Variants in DOCK4 observed in about 807,000 individuals in gnomAD.
DOCK4 encodes the protein dedicator of cytokinesis 4.
In DOCK4, 97 loss-of-function variants were observed where a neutral mutation model predicts 268.1. The ratio of observed to expected loss-of-function variants is 0.36; its 90% CI spans 0.31 to 0.43. The LOEUF is 0.43. Among genes scored for constraint, DOCK4 ranks in the 20% least tolerant of loss-of-function variants. The pLI is 1.00. For synonymous variants in DOCK4, 954 were observed against 887.2 expected, an observed-to-expected ratio of 1.08 and a Z score of -1.34; for missense variants, 2,145 against 2,455.7, an observed-to-expected ratio of 0.87 and a Z score of 2.67.
At chr7:111,785,372 C>T (rs758426893) in intron 32 of DOCK4, among the ~76,000 whole-genome samples, 3 of 152,140 alleles carry the variant, frequency 2.0e-5, no homozygotes, top group Non-Finnish European at 4.4e-5. Flanking sequence ...GAAATTTCCC[C>T]GTGACAGCCT....
At chr7:112,156,986 T>G (rs1226601613) in intron 1 of DOCK4, among the ~76,000 whole-genome samples, 2 of 135,856 alleles carry the variant, frequency 1.5e-5, no homozygotes, top group East Asian at 4.5e-4. Flanking sequence ...AAAGTTAACA[T>G]ACGTGAAAAA....
At chr7:111,992,540 G>A (rs1799621911) in intron 5 of DOCK4, among the ~76,000 whole-genome samples, 1 of 152,094 alleles carries the variant, frequency 6.6e-6, no homozygotes, top group African/African-American at 2.4e-5. Context: ...CTCTTTCCCA[G>A]TTACTCAGAA....
chr7:112,098,210 A>G (rs1228777732), intron 1 of DOCK4, among the ~76,000 whole-genome samples: 1 of 151,822 alleles, frequency 6.6e-6, no homozygotes, highest in Admixed American at 6.6e-5. Flanking sequence ...ACAGAGTCTC[A>G]CTCTGTTGCC....
intron 1 of DOCK4, among the ~76,000 whole-genome samples, chr7:112,173,703 G>T (rs1818269272): frequency 6.6e-6 from 1 of 152,166 alleles, no homozygotes; most frequent in South Asian, 2.1e-4. Context: ...AGCTATGCCA[G>T]CTGAGGAAAA....
intron 1 of DOCK4, among the ~76,000 whole-genome samples, chr7:112,115,744 C>A (rs891381156): frequency 6.6e-6 from 1 of 152,122 alleles, no homozygotes; most frequent in Non-Finnish European, 1.5e-5. Context: ...TGCAGTGGTG[C>A]GATCATAGGT....
intron 13 of DOCK4, among the ~76,000 whole-genome samples, chr7:111,912,922 T>C (rs368818633): frequency 1.3e-5 from 2 of 152,188 alleles, no homozygotes; most frequent in African/African-American, 4.8e-5. Context: ...ATTATGACTT[T>C]CACAGAATTT....
chr7:111,798,652 G>C (rs924689004), intron 30 of DOCK4, among the ~76,000 whole-genome samples: 2 of 152,214 alleles, frequency 1.3e-5, no homozygotes, highest in Non-Finnish European at 2.9e-5. Context: ...TCTAGGGAAA[G>C]CTCTTAGCTA....
At chr7:112,087,494 GA>G (rs1362619535) in intron 1 of DOCK4, among the ~76,000 whole-genome samples, 1 of 152,026 alleles carries the variant, frequency 6.6e-6, no homozygotes, top group Non-Finnish European at 1.5e-5. Context: ...ATAGTCTTCA[GA>G]TTCAATAATG....
intron 1 of DOCK4, among the ~76,000 whole-genome samples, chr7:112,181,987 T>C (rs1409459241): frequency 6.6e-6 from 1 of 152,292 alleles, no homozygotes; most frequent in Admixed American, 6.5e-5. Flanking sequence ...CACTAATCTT[T>C]TTTACCTTTT....
chr7:112,197,247 T>C (rs2116846958), intron 1 of DOCK4, among the ~76,000 whole-genome samples: 1 of 151,644 alleles, frequency 6.6e-6, no homozygotes, highest in South Asian at 2.1e-4. Context: ...AGTGCCATAG[T>C]ATAACTTTAA....
chr7:111,841,453 G>A (rs913495473), intron 25 of DOCK4, among the ~76,000 whole-genome samples: 4 of 151,936 alleles, frequency 2.6e-5, no homozygotes, highest in South Asian at 2.1e-4. Flanking sequence ...AAGACACCGC[G>A]CCTGGCCTAT....
chr7:111,757,475 T>G (rs1797109779), intron 41 of DOCK4, among the ~76,000 whole-genome samples: 1 of 152,186 alleles, frequency 6.6e-6, no homozygotes, highest in Non-Finnish European at 1.5e-5. Context: ...TAGCTATATC[T>G]TCTTTAATTG....
chr7:111,984,485 T>C (rs961892737), intron 6 of DOCK4, 95 bp from the exon 7 acceptor site: 1 of 997,308 alleles, frequency 1.0e-6, no homozygotes, highest in African/African-American at 1.6e-5. Flanking sequence ...GGAAATTAGG[T>C]ATATCACCCA....
intron 25 of DOCK4, among the ~76,000 whole-genome samples, chr7:111,838,648 T>C (rs1010920855): frequency 6.6e-6 from 1 of 152,112 alleles, no homozygotes; most frequent in Non-Finnish European, 1.5e-5. Context: ...AATGTAAACT[T>C]ATGTACAGTA....
At chr7:112,143,120 G>A (rs986556885) in intron 1 of DOCK4, among the ~76,000 whole-genome samples, 2 of 151,590 alleles carry the variant, frequency 1.3e-5, no homozygotes, top group Non-Finnish European at 2.9e-5. Flanking sequence ...CAACTTTTCT[G>A]TAATTCTAAA....
intron 1 of DOCK4, among the ~76,000 whole-genome samples, chr7:112,106,925 T>C (rs1309522284): frequency 6.6e-6 from 1 of 152,242 alleles, no homozygotes; most frequent in Non-Finnish European, 1.5e-5. Context: ...ATGTGTTGTT[T>C]TATAAATGAC....
At chr7:112,178,895 T>C (rs1394859049) in intron 1 of DOCK4, among the ~76,000 whole-genome samples, 2 of 152,172 alleles carry the variant, frequency 1.3e-5, no homozygotes, top group South Asian at 2.1e-4. Context: ...CGTATCCTCA[T>C]AGGCTAACCA....
rs115143597 is a variant in DOCK4 at position 111,896,571 on chromosome 7, T to C, written c.1481-853A>G. Among the ~76,000 whole-genome samples, 630 of 151,838 alleles carry C rather than the reference T, an allele frequency of 4.1e-3. 9 individuals carry two copies. Among genetic ancestry groups the C allele is most frequent in the African/African-American group, 0.013 (525 of 41,380 alleles). On this transcript the variant is annotated intron_variant, in intron 15 of 52. Coordinates refer to ENST00000428084, the MANE Select transcript of DOCK4 (RefSeq NM_001363540.2). ...GTTAACTTGACTCTCCCCTTGTACTTAGATGGGCAGAGTTCTCCAGAGCCA... is the reference window on the plus strand; with the variant it reads ...GTTAACTTGACTCTCCCCTTGTACTCAGATGGGCAGAGTTCTCCAGAGCCA...
intron 50 of DOCK4, among the ~76,000 whole-genome samples, chr7:111,736,496 CT>C: frequency 6.6e-6 from 1 of 152,282 alleles, no homozygotes; most frequent in Middle Eastern, 3.4e-3. Flanking sequence ...AGAGCCGTAT[CT>C]GAGTCACAAC....
Sources: gnomAD v4.1 joint callset for allele counts (sites outside exome capture counted in the v4.1 genomes callset) on GRCh38, gnomAD v4.1.1 for gene constraint, MANE v1.5 for transcripts, NCBI Gene and HGNC (gene_info 2026-07-23, HGNC 2026-07-21) for gene names.